AR: variants seen among roughly 807,000 people sequenced by gnomAD.
AR encodes androgen receptor.
A neutral mutation model predicts 53.9 loss-of-function variants in AR; 8 were observed. That is an observed-to-expected ratio of 0.15 (90% CI 0.09 to 0.27). The LOEUF (loss-of-function observed/expected upper bound fraction) is 0.27. Ranked by LOEUF, AR falls within the 10% of genes least tolerant of loss-of-function variation. The pLI is 1.00. For synonymous variants in AR, 359 were observed against 316.4 expected, an observed-to-expected ratio of 1.13 and a Z score of -1.43; for missense variants, 639 against 742.5, an observed-to-expected ratio of 0.86 and a Z score of 1.62.
intron 4 of AR, among the ~76,000 whole-genome samples, chrX:67,717,114 T>A (rs779737562): frequency 5.4e-5 from 6 of 112,015 alleles, no homozygotes; most frequent in Non-Finnish European, 1.1e-4. Flanking sequence ...ACAACTATCA[T>A]GTACCCAAAA....
At chrX:67,631,650 A>G (rs767462542) in intron 1 of AR, among the ~76,000 whole-genome samples, 3 of 112,590 alleles carry the variant, frequency 2.7e-5, no homozygotes, top group East Asian at 5.6e-4. Context: ...CATCAAAGTC[A>G]TTCTCTGTCC....
At chrX:67,640,626 T>G (rs1333973713) in intron 1 of AR, among the ~76,000 whole-genome samples, 1 of 111,740 alleles carries the variant, frequency 8.9e-6, no homozygotes, top group Non-Finnish European at 1.9e-5. Flanking sequence ...TAGTATTCTC[T>G]GATGGTAATT....
In AR at chrX:67,603,520, A is replaced by G. The variant is rs1375613003; in HGVS notation, c.1617-39736A>G. On this transcript the variant is annotated intron_variant, in intron 1 of 7. Coordinates refer to ENST00000374690, the MANE Select transcript of AR (RefSeq NM_000044.6). ...GGAAGGCATTCCAGCTAGGGAGAAG[A>G]GCACAAACAAAAGCATAGATAACCT... 3.6e-5 allele frequency among the ~76,000 whole-genome samples: 4 copies of G among 112,021 alleles called. No individual in the cohort carries two copies. The Admixed American group carries it at 3.8e-4, about 11-fold the overall frequency.
chrX:67,671,358 G>A (rs1367031331), intron 2 of AR, among the ~76,000 whole-genome samples: 1 of 112,536 alleles, frequency 8.9e-6, no homozygotes, highest in Non-Finnish European at 1.9e-5. Context: ...CAGTGATGAT[G>A]AGCTTTTTTT....
chrX:67,609,056 A>G (rs1287773226), intron 1 of AR, among the ~76,000 whole-genome samples: 1 of 111,074 alleles, frequency 9.0e-6, no homozygotes, highest in Non-Finnish European at 1.9e-5. Flanking sequence ...TAGTACAGAT[A>G]TAAGACATTT....
chrX:67,570,936 A>G (rs1229443724), intron 1 of AR, among the ~76,000 whole-genome samples: 4 of 110,637 alleles, frequency 3.6e-5, no homozygotes, highest in African/African-American at 9.9e-5. Context: ...GTTTGAATGG[A>G]GTCATCCAGG....
intron 2 of AR, among the ~76,000 whole-genome samples, chrX:67,664,102 A>G (rs1927115050): frequency 9.0e-6 from 1 of 111,664 alleles, no homozygotes; most frequent in Non-Finnish European, 1.9e-5. Context: ...GATTGTCTGA[A>G]GCCTTCTTCT....
intron 1 of AR, among the ~76,000 whole-genome samples, chrX:67,579,385 G>A (rs190331106): frequency 3.6e-5 from 4 of 111,197 alleles, no homozygotes; most frequent in East Asian, 2.8e-4. Flanking sequence ...TATCACTTTC[G>A]GGGCTGGTAG....
chrX:67,667,501 T>C (rs897437792), intron 2 of AR, among the ~76,000 whole-genome samples: 1 of 111,427 alleles, frequency 9.0e-6, no homozygotes, highest in Admixed American at 9.6e-5. Context: ...ATTCTTCCAG[T>C]TTTGCTCTGT....
rs994437921 is a variant in AR, at chrX:67,727,906, A to G, written c.*4065A>G. ...TTAAAGTCAAAATAAGCCATTCAGC[A>G]TGTTCAGTTTCTTGGAAAAGGAAGT... On this transcript the variant is annotated 3_prime_UTR_variant, in exon 8 of 8. Transcript: ENST00000374690. 1.1e-4 allele frequency: 19 copies of G among 173,574 alleles called. No homozygotes were observed. The highest frequency in any genetic ancestry group is 1.8e-3 in the Middle Eastern group (1 of 568). The allele number at this position is 173,574 out of a possible 1,213,427, so 14.3% of individuals were successfully genotyped here. A position where few individuals can be genotyped will look rare whatever the true frequency, so the allele number is the denominator to read the frequency against.
intron 5 of AR, among the ~76,000 whole-genome samples, chrX:67,720,533 C>T (rs1286961945): frequency 8.9e-6 from 1 of 112,077 alleles, no homozygotes; most frequent in Non-Finnish European, 1.9e-5. Context: ...AAAAAATTCT[C>T]TACAGTGAAA....
chrX:67,648,772 A>G (rs1382464271), intron 2 of AR, among the ~76,000 whole-genome samples: 3 of 112,404 alleles, frequency 2.7e-5, no homozygotes, highest in South Asian at 3.7e-4. Flanking sequence ...TTGCACCATT[A>G]TGTAAATATC....
At chrX:67,568,750 T>C in intron 1 of AR, 1 of 877,045 alleles carries the variant, frequency 1.1e-6, no homozygotes, top group Non-Finnish European at 1.5e-6. Context: ...AGTTTGCTTA[T>C]CTGCGCCGTC....
intron 1 of AR, among the ~76,000 whole-genome samples, chrX:67,613,087 C>G (rs1351149939): frequency 8.9e-6 from 1 of 111,965 alleles, no homozygotes; most frequent in Non-Finnish European, 1.9e-5. Flanking sequence ...TACAGGGATC[C>G]TGCTTGTGCC....
intron 2 of AR, among the ~76,000 whole-genome samples, chrX:67,669,029 T>G (rs1780852829): frequency 8.9e-6 from 1 of 111,777 alleles, no homozygotes; most frequent in Admixed American, 9.5e-5. Context: ...TTTGTATTAT[T>G]TTTTCCTTTT....
In AR at chrX:67,727,583, TC is replaced by T; in HGVS notation, c.*3748del. 1 of 173,804 alleles carries T rather than the reference TC, an allele frequency of 5.8e-6. No homozygotes were observed. The allele number at this position is 173,804 out of a possible 1,213,427, so 14.3% of individuals were successfully genotyped here. On this transcript the variant is annotated 3_prime_UTR_variant, in exon 8 of 8. Transcript: ENST00000374690. ...TTAGGCACAGCACAGATGTGGCCTTTCCCCCCTTCTCTCCCTTGATATCTGG... is the reference window on the plus strand; with the variant it reads ...TTAGGCACAGCACAGATGTGGCCTTTCCCCCTTCTCTCCCTTGATATCTGG...
chrX:67,553,360 C>T (rs538839214), intron 1 of AR, among the ~76,000 whole-genome samples: 6 of 111,828 alleles, frequency 5.4e-5, no homozygotes, highest in Admixed American at 9.5e-5. Context: ...ATCAGTTGAC[C>T]GTAAATGTGA....
intron 1 of AR, among the ~76,000 whole-genome samples, chrX:67,551,588 T>C (rs957015835): frequency 8.9e-6 from 1 of 112,022 alleles, no homozygotes; most frequent in Non-Finnish European, 1.9e-5. Context: ...TTTTCCAGTT[T>C]ATTCACTGCA....
Position 67,724,602 on chromosome X carries a change from TCAGTACCTGCCCA to T in AR, c.*765_*777del, listed in dbSNP as rs2076150902. The T allele has an allele frequency of 1.7e-5, 3 of 173,348 alleles. No individual in the cohort carries two copies. In the South Asian group the frequency reaches 9.7e-4, roughly 56 times the overall value. The allele number at this position is 173,348 out of a possible 1,213,427, so 14.3% of individuals were successfully genotyped here. ...AGAGGACAAGGAGGGCAATGGAGCA[TCAGTACCTGCCCA>T]CAGCCTTGGTCCCTGGGGGCTAGAC... On this transcript the variant is annotated 3_prime_UTR_variant, in exon 8 of 8. Coordinates refer to ENST00000374690, the MANE Select transcript of AR (RefSeq NM_000044.6).
Sources: gnomAD v4.1 joint callset for allele counts (sites outside exome capture counted in the v4.1 genomes callset) on GRCh38, gnomAD v4.1.1 for gene constraint, MANE v1.5 for transcripts, NCBI Gene and HGNC (gene_info 2026-07-23, HGNC 2026-07-21) for gene names.